MDGA2: variants seen among roughly 807,000 people sequenced by gnomAD.
The protein encoded by MDGA2 is MAM domain containing glycosylphosphatidylinositol anchor 2.
A neutral mutation model predicts 117.8 loss-of-function variants in MDGA2; 40 were observed. That is an observed-to-expected ratio of 0.34 (90% confidence interval 0.26 to 0.44). The LOEUF (loss-of-function observed/expected upper bound fraction) is 0.44, where lower values mean the gene tolerates loss of function less well. MDGA2 is among the 20% of genes least tolerant of loss of function. The probability of loss-of-function intolerance (pLI) is 1.00; values close to 1 mark genes in which losing one functional copy is unlikely to be tolerated. For synonymous variants in MDGA2, 452 were observed against 439.0 expected, an observed-to-expected ratio of 1.03 and a Z score of -0.37; for missense variants, 1,123 against 1,250.6, an observed-to-expected ratio of 0.90 and a Z score of 1.54.
chr14:47,066,261 G>A (rs934724319), intron 6 of MDGA2, among the ~76,000 whole-genome samples: 13 of 152,076 alleles, frequency 8.5e-5, no homozygotes, highest in African/African-American at 2.9e-4. Flanking sequence ...GTTAAAGTTG[G>A]TACTTAATAC....
intron 2 of MDGA2, among the ~76,000 whole-genome samples, chr14:47,266,538 T>C (rs1887970875): frequency 6.6e-6 from 1 of 152,158 alleles, no homozygotes; most frequent in African/African-American, 2.4e-5. Context: ...CTTCCTAAAA[T>C]TAAAATCTGA....
chr14:47,563,489 AG>A (rs1895853276), intron 1 of MDGA2, among the ~76,000 whole-genome samples: 1 of 151,188 alleles, frequency 6.6e-6, no homozygotes, highest in Non-Finnish European at 1.5e-5. Flanking sequence ...TTTACTATTA[AG>A]CAATGCCCTT....
At chr14:47,103,786 C>CTGT (rs534098949) in intron 5 of MDGA2, among the ~76,000 whole-genome samples, 21 of 152,204 alleles carry the variant, frequency 1.4e-4, no homozygotes, top group African/African-American at 4.6e-4. Flanking sequence ...GGCACAGTAT[C>CTGT]TGTTGTTGTT....
At chr14:47,036,076 T>C (rs1283828451) in intron 7 of MDGA2, among the ~76,000 whole-genome samples, 1 of 151,864 alleles carries the variant, frequency 6.6e-6, no homozygotes, top group Non-Finnish European at 1.5e-5. Context: ...GAGACCATCC[T>C]GGCTAACACG....
At chr14:47,179,963 T>C (rs1194917791) in intron 3 of MDGA2, among the ~76,000 whole-genome samples, 1 of 152,176 alleles carries the variant, frequency 6.6e-6, no homozygotes, top group Non-Finnish European at 1.5e-5. Context: ...TAATATATCT[T>C]AATGTGTTCT....
rs554891255 is a variant in MDGA2, at chr14:47,448,183, C to T, written c.281-146633G>A. Among the ~76,000 whole-genome samples the T allele has an allele frequency of 2.6e-3, 400 of 151,596 alleles. 1 individual carries two copies. The highest frequency in any genetic ancestry group is 9.3e-3 in the African/African-American group (382 of 41,278). ...TTATTTTTTTTCAGACTGGGTGTTG[C>T]TCTGTCACCCAGGCTGGAGGGTAGT... On this transcript the variant is annotated intron_variant, in intron 1 of 16. Transcript: ENST00000399232.
chr14:47,091,274 A>T (rs1879640270), intron 6 of MDGA2, among the ~76,000 whole-genome samples: 1 of 152,142 alleles, frequency 6.6e-6, no homozygotes, highest in African/African-American at 2.4e-5. Context: ...AGCATCTACT[A>T]TATGCTGGGT....
At chr14:47,248,229 T>C (rs1189026368) in intron 2 of MDGA2, among the ~76,000 whole-genome samples, 1 of 151,324 alleles carries the variant, frequency 6.6e-6, no homozygotes, top group Non-Finnish European at 1.5e-5. Flanking sequence ...AAAATAAATA[T>C]AACATATATT....
At chr14:46,877,737 C>T (rs544043439) in intron 11 of MDGA2, among the ~76,000 whole-genome samples, 21 of 151,832 alleles carry the variant, frequency 1.4e-4, no homozygotes, top group Non-Finnish European at 2.7e-4. Flanking sequence ...ACCAAAAAGA[C>T]CAATGCTAAA....
chr14:46,904,152 T>A (rs1031589915), intron 10 of MDGA2, among the ~76,000 whole-genome samples: 4 of 151,922 alleles, frequency 2.6e-5, no homozygotes, highest in Non-Finnish European at 5.9e-5. Context: ...TCACTTGAGG[T>A]CAGGAGTTCA....
At chr14:47,428,987 G>A (rs1892745362) in intron 1 of MDGA2, among the ~76,000 whole-genome samples, 1 of 152,012 alleles carries the variant, frequency 6.6e-6, no homozygotes, top group Admixed American at 6.6e-5. Context: ...ACTAAGGGGA[G>A]GCCAAGGCAG....
intron 7 of MDGA2, among the ~76,000 whole-genome samples, chr14:47,060,844 CTCAG>C (rs1015415602): frequency 6.6e-6 from 1 of 151,928 alleles, no homozygotes; most frequent in African/African-American, 2.4e-5. Flanking sequence ...TAAATTATCT[CTCAG>C]TATTTTCTTC....
intron 6 of MDGA2, among the ~76,000 whole-genome samples, chr14:47,075,544 G>A (rs766404563): frequency 7.2e-5 from 11 of 152,054 alleles, no homozygotes; most frequent in Non-Finnish European, 1.3e-4. Flanking sequence ...CAATGAAATC[G>A]TATTTTGTCA....
chr14:47,499,101 T>C (rs1894344571), intron 1 of MDGA2, among the ~76,000 whole-genome samples: 1 of 152,146 alleles, frequency 6.6e-6, no homozygotes, highest in East Asian at 1.9e-4. Flanking sequence ...AGTCCATATT[T>C]GAAACCAAAG....
chr14:46,950,841 A>G (rs902666615), intron 9 of MDGA2, among the ~76,000 whole-genome samples: 3 of 151,756 alleles, frequency 2.0e-5, no homozygotes, highest in Non-Finnish European at 2.9e-5. Flanking sequence ...AGAGACTAAA[A>G]TATATTTTCT....
At chr14:47,500,308 T>C (rs181958979) in intron 1 of MDGA2, among the ~76,000 whole-genome samples, 8 of 152,252 alleles carry the variant, frequency 5.3e-5, no homozygotes, top group Admixed American at 5.2e-4. Context: ...TTTAGGTTAT[T>C]TTGTATATGA....
chr14:47,578,456 G>C (rs1276428642), intron 1 of MDGA2, among the ~76,000 whole-genome samples: 4 of 152,044 alleles, frequency 2.6e-5, no homozygotes, highest in Admixed American at 6.6e-5. Context: ...TGAGCAAAAT[G>C]ATGTCCCAAT....
intron 1 of MDGA2, among the ~76,000 whole-genome samples, chr14:47,589,462 TA>T (rs1324928794): frequency 6.6e-6 from 1 of 151,994 alleles, no homozygotes; most frequent in Non-Finnish European, 1.5e-5. Flanking sequence ...AGAATTGTCT[TA>T]GCACCCTTAT....
At chr14:47,582,236 G>C (rs986411941) in intron 1 of MDGA2, among the ~76,000 whole-genome samples, 4 of 151,780 alleles carry the variant, frequency 2.6e-5, no homozygotes, top group Non-Finnish European at 5.9e-5. Flanking sequence ...AAAAGAGGGA[G>C]GAAGAAAGGA....
Sources: allele counts gnomAD v4.1 joint callset (sites outside exome capture counted in the v4.1 genomes callset), GRCh38; gene constraint gnomAD v4.1.1; transcripts MANE v1.5; gene names NCBI Gene and HGNC (gene_info 2026-07-23, HGNC 2026-07-21).